VSTM4: variants seen among roughly 807,000 people sequenced by gnomAD.
The protein encoded by VSTM4 is V-set and transmembrane domain containing 4.
A neutral mutation model predicts 36.4 loss-of-function variants in VSTM4; 20 were observed. The observed-to-expected ratio is 0.55, with a 90% CI of 0.39 to 0.80. The LOEUF is 0.80. Among genes scored for constraint, VSTM4 ranks in the 30% least tolerant of loss-of-function variants. The pLI is 0.00. For missense variants in VSTM4, 392 were observed against 404.5 expected (o/e 0.97, Z 0.26); for synonymous variants, 182 against 173.9 (o/e 1.05, Z -0.37).
intron 7 of VSTM4, among the ~76,000 whole-genome samples, chr10:49,031,471 T>G (rs1303864070): frequency 2.0e-5 from 3 of 152,244 alleles, no homozygotes; most frequent in African/African-American, 7.2e-5. Context: ...ATTTACATTA[T>G]AGATGATAAA....
chr10:49,101,440 A>G (rs1029503582), intron 2 of VSTM4, among the ~76,000 whole-genome samples: 1 of 152,236 alleles, frequency 6.6e-6, no homozygotes, highest in Non-Finnish European at 1.5e-5. Flanking sequence ...AAATTCACAG[A>G]ATAAATAAAT....
chr10:49,041,683 T>C (rs1194119814), intron 7 of VSTM4, among the ~76,000 whole-genome samples: 4 of 152,162 alleles, frequency 2.6e-5, no homozygotes, highest in Non-Finnish European at 5.9e-5. Context: ...GAGAGGTGGG[T>C]CCACCCAGGC....
chr10:49,064,645 C>T, intron 5 of VSTM4, 58 bp downstream of exon 5: 1 of 1,560,264 alleles, frequency 6.4e-7, no homozygotes, highest in East Asian at 2.2e-5. Flanking sequence ...TTGGTAATAT[C>T]AAAAGAAAGT....
At chr10:49,050,168 A>G (rs1048378405) in intron 5 of VSTM4, among the ~76,000 whole-genome samples, 3 of 152,224 alleles carry the variant, frequency 2.0e-5, no homozygotes, top group Non-Finnish European at 2.9e-5. Context: ...CTAAGTGGAA[A>G]AGCTAGGTGT....
chr10:49,024,021 G>C (rs757349627), intron 7 of VSTM4, among the ~76,000 whole-genome samples: 5 of 152,206 alleles, frequency 3.3e-5, no homozygotes, highest in Non-Finnish European at 5.9e-5. Flanking sequence ...ACCAACTGCT[G>C]CTGGGAAGTC....
intron 4 of VSTM4, among the ~76,000 whole-genome samples, chr10:49,067,675 G>C (rs1843997394): frequency 6.6e-6 from 1 of 152,212 alleles, no homozygotes; most frequent in Admixed American, 6.5e-5. Flanking sequence ...TTGATCTCAA[G>C]ACTTCTGGCC....
chr10:49,093,430 A>G (rs932959370), intron 2 of VSTM4, among the ~76,000 whole-genome samples: 21 of 152,316 alleles, frequency 1.4e-4, no homozygotes, highest in African/African-American at 5.1e-4. Flanking sequence ...AGCATGTCTC[A>G]ATGTAGAAAA....
intron 2 of VSTM4, among the ~76,000 whole-genome samples, chr10:49,092,637 G>A (rs930914081): frequency 6.6e-6 from 1 of 152,098 alleles, no homozygotes; most frequent in Non-Finnish European, 1.5e-5. Context: ...CCCTGGCTAG[G>A]GCTCCACCTC....
chr10:49,043,328 T>C (rs1426806236), intron 7 of VSTM4, among the ~76,000 whole-genome samples: 1 of 152,230 alleles, frequency 6.6e-6, no homozygotes, highest in African/African-American at 2.4e-5. Context: ...TTAAATAAAC[T>C]ATACATTAAA....
chr10:49,099,586 C>T (rs1051269424), intron 2 of VSTM4, among the ~76,000 whole-genome samples: 7 of 152,186 alleles, frequency 4.6e-5, no homozygotes, highest in Non-Finnish European at 7.3e-5. Flanking sequence ...CAGGGGTTTC[C>T]GATGCCATGT....
At chr10:49,045,163 T>C (rs1226838102) in intron 7 of VSTM4, among the ~76,000 whole-genome samples, 1 of 152,110 alleles carries the variant, frequency 6.6e-6, no homozygotes, top group Non-Finnish European at 1.5e-5. Flanking sequence ...CAAGATTGTC[T>C]TGGCATACAC....
intron 2 of VSTM4, among the ~76,000 whole-genome samples, chr10:49,086,797 A>T (rs1844378270): frequency 6.6e-6 from 1 of 152,250 alleles, no homozygotes; most frequent in South Asian, 2.1e-4. Flanking sequence ...CACTGGACAC[A>T]TGTGGCTACT....
intron 2 of VSTM4, among the ~76,000 whole-genome samples, chr10:49,100,710 C>A (rs1844651140): frequency 6.6e-6 from 1 of 152,138 alleles, no homozygotes; most frequent in African/African-American, 2.4e-5. Flanking sequence ...AAATCCCAAT[C>A]AAACCCCAAT....
chr10:49,044,585 A>AAGG (rs147559059), intron 7 of VSTM4, among the ~76,000 whole-genome samples: 3 of 151,360 alleles, frequency 2.0e-5, no homozygotes, highest in Non-Finnish European at 4.4e-5. Flanking sequence ...AGAAAAGAAA[A>AAGG]AGGAGGGAGA....
At chr10:49,098,525 C>G (rs1163911487) in intron 2 of VSTM4, among the ~76,000 whole-genome samples, 1 of 152,218 alleles carries the variant, frequency 6.6e-6, no homozygotes, top group Non-Finnish European at 1.5e-5. Context: ...CTTCCTCCTC[C>G]TCTAATCTGA....
At chr10:49,077,178 G>T (rs1319604632) in intron 4 of VSTM4, 41 bp downstream of exon 4, 4 of 1,595,296 alleles carry the variant, frequency 2.5e-6, no homozygotes, top group Admixed American at 1.7e-5. Context: ...TGTGGTCGGG[G>T]TGTGCTCCCA....
chr10:49,028,806 G>T (rs1342970513), intron 7 of VSTM4, among the ~76,000 whole-genome samples: 3 of 152,126 alleles, frequency 2.0e-5, no homozygotes, highest in Non-Finnish European at 2.9e-5. Flanking sequence ...AGTTCAATTG[G>T]GTAATACCAT....
At chr10:49,113,363 A>C (rs993653459) in intron 1 of VSTM4, among the ~76,000 whole-genome samples, 1 of 152,208 alleles carries the variant, frequency 6.6e-6, no homozygotes, top group Non-Finnish European at 1.5e-5. Context: ...ATCACCTGAA[A>C]ATAGCTCCAT....
chr10:49,090,916 C>T (rs1333999691), intron 2 of VSTM4, among the ~76,000 whole-genome samples: 4 of 151,924 alleles, frequency 2.6e-5, no homozygotes, highest in African/African-American at 9.7e-5. Context: ...CGTCCTGTGT[C>T]CAGGGAGACC....
Sources: gnomAD v4.1 joint callset for allele counts (sites outside exome capture counted in the v4.1 genomes callset) on GRCh38, gnomAD v4.1.1 for gene constraint, MANE v1.5 for transcripts, NCBI Gene and HGNC (gene_info 2026-07-23, HGNC 2026-07-21) for gene names.